Variants in UNC13C observed in about 807,000 individuals in gnomAD.
The protein encoded by UNC13C is unc-13 homolog C, also known as protein unc-13 homolog C.
In UNC13C, 174 loss-of-function variants were observed where a neutral mutation model predicts 245.4. The ratio of observed to expected loss-of-function variants is 0.71; its 90% CI spans 0.63 to 0.80. The LOEUF (loss-of-function observed/expected upper bound fraction) is 0.80, where lower values mean the gene tolerates loss of function less well. UNC13C is among the 30% of genes least tolerant of loss of function. The pLI is 0.00. For missense variants in UNC13C, 2,829 were observed against 2,602.9 expected, an observed-to-expected ratio of 1.09 and a Z score of -1.89; for synonymous variants, 992 against 895.1, an observed-to-expected ratio of 1.11 and a Z score of -1.93.
At chr15:53,904,919 T>A in the UNC13C span, among the ~76,000 whole-genome samples, 2 of 152,264 alleles carry the variant, frequency 1.3e-5, no homozygotes, top group Middle Eastern at 3.4e-3. Context: ...GACAAGTGAA[T>A]AAGAACTGTA....
At chr15:53,935,747 G>A in the UNC13C span, among the ~76,000 whole-genome samples, 1 of 152,138 alleles carries the variant, frequency 6.6e-6, no homozygotes, top group Non-Finnish European at 1.5e-5. Flanking sequence ...AGCCAAGATA[G>A]GTGGTGAGTG....
intron 30 of UNC13C, among the ~76,000 whole-genome samples, chr15:54,608,588 TAACA>T (rs1257313410): frequency 2.0e-5 from 3 of 152,220 alleles, no homozygotes; most frequent in Admixed American, 6.5e-5. Context: ...TTTAATGTGT[TAACA>T]AACAAATGAA....
In UNC13C at chr15:53,996,824, C is replaced by G. The variant is rs79720818; in HGVS notation, c.-256-15824C>G. Among the ~76,000 whole-genome samples, 35 of 129,208 alleles carry G rather than the reference C, an allele frequency of 2.7e-4. 2 individuals carry two copies. In the East Asian group the frequency reaches 5.5e-3, roughly 20 times the overall value. The allele number at this position is 129,208 out of a possible 152,430, so 84.8% of individuals were successfully genotyped here. Reference sequence around the variant, plus strand: ...ATACCATAATTTGTATATTCATTCTCCTGATGGGTTTTTTTTTTTCATTTT... The same window carrying G: ...ATACCATAATTTGTATATTCATTCTGCTGATGGGTTTTTTTTTTTCATTTT... On this transcript the variant is annotated intron_variant, in intron 1 of 32. Coordinates refer to ENST00000260323, the MANE Select transcript of UNC13C (RefSeq NM_001080534.3).
intron 30 of UNC13C, among the ~76,000 whole-genome samples, chr15:54,602,961 T>C (rs577431718): frequency 2.1e-4 from 6 of 28,262 alleles, no homozygotes; most frequent in Admixed American, 1.3e-3. Context: ...GTTTCATCCT[T>C]GAGGCAAGAT....
intron 19 of UNC13C, among the ~76,000 whole-genome samples, chr15:54,487,661 G>T (rs1258114962): frequency 6.6e-6 from 1 of 151,304 alleles, no homozygotes; most frequent in Non-Finnish European, 1.5e-5. Flanking sequence ...CAATGACTTG[G>T]TAGGCTGAGG....
At chr15:54,145,545 T>C (rs1362122009) in intron 4 of UNC13C, among the ~76,000 whole-genome samples, 4 of 152,206 alleles carry the variant, frequency 2.6e-5, no homozygotes, top group African/African-American at 9.6e-5. Context: ...TTATGAATTA[T>C]TCAGAGATAT....
At chr15:54,455,666 T>A (rs893868614) in intron 19 of UNC13C, among the ~76,000 whole-genome samples, 4 of 151,988 alleles carry the variant, frequency 2.6e-5, no homozygotes, top group African/African-American at 9.7e-5. Context: ...ATTTTGAGAA[T>A]TGTCTATTCA....
chr15:53,970,528 C>T, the UNC13C span, among the ~76,000 whole-genome samples: 2 of 152,260 alleles, frequency 1.3e-5, no homozygotes, highest in South Asian at 4.1e-4. Flanking sequence ...TCTTTGAGAT[C>T]CTACTTTGGA....
At chr15:53,850,808 G>A in the UNC13C span, among the ~76,000 whole-genome samples, 1 of 150,802 alleles carries the variant, frequency 6.6e-6, no homozygotes. Context: ...GACTTCGTTA[G>A]GCATGCATTA....
At chr15:54,548,877 C>T (rs762265268) in intron 27 of UNC13C, among the ~76,000 whole-genome samples, 42 of 152,122 alleles carry the variant, frequency 2.8e-4, no homozygotes, top group Admixed American at 1.2e-3. Flanking sequence ...TGCTAGGTGA[C>T]GGGGCAAAAT....
intron 4 of UNC13C, among the ~76,000 whole-genome samples, chr15:54,223,668 A>G (rs1018926436): frequency 6.6e-6 from 1 of 151,952 alleles, no homozygotes. Context: ...TTTTCTGTGA[A>G]GAAGGGCATT....
intron 2 of UNC13C, among the ~76,000 whole-genome samples, chr15:54,111,470 T>G (rs1250745418): frequency 6.6e-6 from 1 of 152,176 alleles, no homozygotes; most frequent in Non-Finnish European, 1.5e-5. Flanking sequence ...TCTACTTGAT[T>G]GGAGGCAGTG....
At chr15:54,486,276 C>CAG (rs1555472895) in intron 19 of UNC13C, among the ~76,000 whole-genome samples, 1 of 150,930 alleles carries the variant, frequency 6.6e-6, no homozygotes, top group African/African-American at 2.4e-5. Context: ...CACACACACA[C>CAG]ACACACACAC....
chr15:54,584,601 A>C (rs1898390646), intron 30 of UNC13C, among the ~76,000 whole-genome samples: 1 of 152,268 alleles, frequency 6.6e-6, no homozygotes, highest in African/African-American at 2.4e-5. Context: ...TGGAAATGGA[A>C]GAAGTCAGTT....
intron 4 of UNC13C, among the ~76,000 whole-genome samples, chr15:54,211,378 T>A (rs1374904822): frequency 2.6e-5 from 4 of 152,094 alleles, no homozygotes; most frequent in Admixed American, 2.6e-4. Context: ...ACTGGGATAT[T>A]AGCAAGAGTT....
Position 54,399,369 on chromosome 15 carries a change from G to T in UNC13C, c.4847+6188G>T, listed in dbSNP as rs185992925. Reference sequence around the variant, plus strand: ...AATGTAGAGAAGTTTTGCTATATGTGCCTAAAAGTAAGAAATCTTAATTAT... The same window carrying T: ...AATGTAGAGAAGTTTTGCTATATGTTCCTAAAAGTAAGAAATCTTAATTAT... On this transcript the variant is annotated intron_variant, in intron 18 of 32. Transcript: ENST00000260323. Among the ~76,000 whole-genome samples the T allele has an allele frequency of 3.0e-3, 452 of 151,750 alleles. 2 individuals carry two copies. The highest frequency in any genetic ancestry group is 0.01 in the African/African-American group (431 of 41,514).
chr15:54,054,373 A>C (rs1260331220), intron 2 of UNC13C, among the ~76,000 whole-genome samples: 2 of 152,102 alleles, frequency 1.3e-5, no homozygotes, highest in Non-Finnish European at 2.9e-5. Context: ...ACTGTGACTG[A>C]TTTGTCTATG....
Position 54,042,383 on chromosome 15 carries a change from G to C in UNC13C, c.2983+26497G>C, listed in dbSNP as rs187026228. ...CAACCGGAACACACCTGCAGGTTTA[G>C]GCAAATGGGTAAATATACTGATACT... is the stretch of plus-strand genomic sequence containing the variant. On this transcript the variant is annotated intron_variant, in intron 2 of 32. Coordinates refer to ENST00000260323, the MANE Select transcript of UNC13C (RefSeq NM_001080534.3). 2.6e-3 allele frequency among the ~76,000 whole-genome samples: 397 copies of C among 152,284 alleles called. 2 individuals carry two copies. The highest frequency in any genetic ancestry group is 9.0e-3 in the African/African-American group (372 of 41,552).
intron 2 of UNC13C, among the ~76,000 whole-genome samples, chr15:54,044,222 A>G (rs1896934169): frequency 6.6e-6 from 1 of 152,160 alleles, no homozygotes; most frequent in Non-Finnish European, 1.5e-5. Context: ...AATGTTTTCA[A>G]GGTTTCTCTA....
Sources: allele counts gnomAD v4.1 joint callset (sites outside exome capture counted in the v4.1 genomes callset), GRCh38; gene constraint gnomAD v4.1.1; transcripts MANE v1.5; gene names NCBI Gene and HGNC (gene_info 2026-07-23, HGNC 2026-07-21).